Variants in STAP1 observed in about 807,000 individuals in gnomAD.
STAP1 encodes the protein signal-transducing adaptor protein 1.
In STAP1, 30 loss-of-function variants were observed where a neutral mutation model predicts 37.8. The ratio of observed to expected loss-of-function variants is 0.79; its 90% CI spans 0.59 to 1.08. The LOEUF (loss-of-function observed/expected upper bound fraction) is 1.08. Among genes scored for constraint, STAP1 ranks in the 50% least tolerant of loss-of-function variants. The pLI, the probability that STAP1 is intolerant of heterozygous loss-of-function variation, is 0.00. For missense variants in STAP1, 357 were observed against 349.4 expected, an observed-to-expected ratio of 1.02 and a Z score of -0.17; for synonymous variants, 130 against 116.0, an observed-to-expected ratio of 1.12 and a Z score of -0.78.
chr4:67,560,557 A>G (rs1339678466), intron 1 of STAP1, among the ~76,000 whole-genome samples: 1 of 152,218 alleles, frequency 6.6e-6, no homozygotes, highest in African/African-American at 2.4e-5. Context: ...TTTGAAGCAG[A>G]ATGAATACCT....
intron 8 of STAP1, among the ~76,000 whole-genome samples, chr4:67,605,919 T>C (rs1412352290): frequency 3.1e-4 from 47 of 152,090 alleles, no homozygotes; most frequent in Admixed American, 3.1e-3. Context: ...GAAAATAAGA[T>C]TTTTTTGATC....
chr4:67,599,448 G>T (rs1380052759), intron 8 of STAP1, among the ~76,000 whole-genome samples: 2 of 152,058 alleles, frequency 1.3e-5, no homozygotes, highest in East Asian at 3.8e-4. Flanking sequence ...GGTTGTATGT[G>T]TCTAGAAATT....
intron 5 of STAP1, among the ~76,000 whole-genome samples, chr4:67,582,217 A>G (rs1487502934): frequency 2.6e-5 from 4 of 152,198 alleles, no homozygotes; most frequent in African/African-American, 9.6e-5. Flanking sequence ...TCTCAATAAA[A>G]CAAGTAATAT....
chr4:67,584,252 T>G (rs540016961), intron 6 of STAP1, among the ~76,000 whole-genome samples: 2 of 152,294 alleles, frequency 1.3e-5, no homozygotes, highest in African/African-American at 4.8e-5. Flanking sequence ...ATTCATTCAA[T>G]TCAACAAATA....
chr4:67,583,170 T>G (rs2109866239), intron 5 of STAP1, among the ~76,000 whole-genome samples: 1 of 152,302 alleles, frequency 6.6e-6, no homozygotes, highest in Non-Finnish European at 1.5e-5. Context: ...GTTTAAGACA[T>G]AGACCATACA....
At chr4:67,573,648 T>C (rs1174275996) in intron 2 of STAP1, among the ~76,000 whole-genome samples, 2 of 152,192 alleles carry the variant, frequency 1.3e-5, no homozygotes, top group Non-Finnish European at 2.9e-5. Context: ...AAATTGTTTA[T>C]CATGATGTTT....
intron 2 of STAP1, among the ~76,000 whole-genome samples, chr4:67,574,820 C>T (rs1284778578): frequency 6.6e-6 from 1 of 152,114 alleles, no homozygotes; most frequent in South Asian, 2.1e-4. Flanking sequence ...AAAAGTGCTG[C>T]CCCTGGACAT....
At chr4:67,583,959 G>A (rs544134468) in intron 6 of STAP1, among the ~76,000 whole-genome samples, 16 of 152,076 alleles carry the variant, frequency 1.1e-4, no homozygotes, top group African/African-American at 3.1e-4. Flanking sequence ...TTAGCCAGGC[G>A]TGGTGGCACG....
At chr4:67,577,082 A>G (rs1485130422) in intron 3 of STAP1, 121 bp from the exon 4 acceptor site, 1 of 731,024 alleles carries the variant, frequency 1.4e-6, no homozygotes, top group Non-Finnish European at 2.1e-6. Context: ...ACACATTAGT[A>G]GTTCTAAGCC....
At chr4:67,580,099 C>A (rs989246790) in intron 4 of STAP1, among the ~76,000 whole-genome samples, 1 of 152,160 alleles carries the variant, frequency 6.6e-6, no homozygotes, top group Non-Finnish European at 1.5e-5. Context: ...CTCAAGTGAT[C>A]CACCCACCTT....
At chr4:67,602,648 T>C (rs570319294) in intron 8 of STAP1, among the ~76,000 whole-genome samples, 4 of 152,294 alleles carry the variant, frequency 2.6e-5, no homozygotes, top group African/African-American at 9.6e-5. Flanking sequence ...TAAAAGAATG[T>C]CTTGGATTAC....
chr4:67,606,373 C>T lies in STAP1; in HGVS notation c.*16C>T, dbSNP rs770581527. The stretch of plus-strand genomic sequence containing the variant: ...CATTGCATGAAATACAATGTGAAAG[C>T]TCCTTTGTATATCTTGGTAATTTAT... On this transcript the variant is annotated 3_prime_UTR_variant, in exon 9 of 9. Coordinates refer to ENST00000265404, the MANE Select transcript of STAP1 (RefSeq NM_012108.4). 3 of 1,601,654 alleles carry T rather than the reference C, an allele frequency of 1.9e-6. No homozygotes were observed. The highest frequency in any genetic ancestry group is 4.5e-5 in the East Asian group (2 of 44,532).
intron 4 of STAP1, 118 bp downstream of exon 4, chr4:67,577,377 C>T: frequency 1.3e-6 from 1 of 789,910 alleles, no homozygotes. Flanking sequence ...AAAAGATAGA[C>T]CTAAACTCTT....
intron 1 of STAP1, among the ~76,000 whole-genome samples, chr4:67,569,682 G>T (rs971969931): frequency 3.3e-5 from 5 of 151,650 alleles, no homozygotes; most frequent in African/African-American, 4.8e-5. Context: ...GCCTACGCAG[G>T]GTCAAGATTA....
chr4:67,580,045 A>G (rs915018873), intron 4 of STAP1, among the ~76,000 whole-genome samples: 1 of 151,974 alleles, frequency 6.6e-6, no homozygotes, highest in African/African-American at 2.4e-5. Context: ...TTTTATTAGA[A>G]ACGGGTTTCA....
At chr4:67,601,275 C>T (rs764441993) in intron 8 of STAP1, among the ~76,000 whole-genome samples, 3 of 152,088 alleles carry the variant, frequency 2.0e-5, no homozygotes, top group Non-Finnish European at 4.4e-5. Context: ...ACTATGTACC[C>T]ACACTTTTAA....
At chr4:67,601,935 A>G (rs354875) in intron 8 of STAP1, among the ~76,000 whole-genome samples, 128,194 of 152,016 alleles carry the variant, frequency 0.84, 55,368 homozygotes, top group Non-Finnish European at 0.94. Flanking sequence ...AACTTTCTAC[A>G]TTGATATCTC....
chr4:67,586,693 A>G (rs1309609795), intron 6 of STAP1, among the ~76,000 whole-genome samples: 1 of 152,228 alleles, frequency 6.6e-6, no homozygotes, highest in Non-Finnish European at 1.5e-5. Flanking sequence ...TATTAAGCTC[A>G]TGAGAGTATG....
chr4:67,571,033 A>G (rs770191935), intron 1 of STAP1, 51 bp from the exon 2 acceptor site: 1 of 1,414,520 alleles, frequency 7.1e-7, no homozygotes, highest in Non-Finnish European at 1.0e-6. Context: ...TTATTAGAAA[A>G]ATAGTTGAAT....
Sources: gnomAD v4.1 joint callset for allele counts (sites outside exome capture counted in the v4.1 genomes callset) on GRCh38, gnomAD v4.1.1 for gene constraint, MANE v1.5 for transcripts, NCBI Gene and HGNC (gene_info 2026-07-23, HGNC 2026-07-21) for gene names.